SMAD9: variants seen among roughly 807,000 people sequenced by gnomAD.
The protein encoded by SMAD9 is SMAD family member 9.
A neutral mutation model predicts 46.1 loss-of-function variants in SMAD9; 36 were observed. The observed-to-expected ratio is 0.78, with a 90% CI of 0.60 to 1.03. The LOEUF (loss-of-function observed/expected upper bound fraction) is 1.03, where lower values mean the gene tolerates loss of function less well. Ranked by LOEUF, SMAD9 falls within the 50% of genes least tolerant of loss-of-function variation. The pLI is 0.00. For missense variants in SMAD9, 572 were observed against 599.8 expected (o/e 0.95, Z 0.48); for synonymous variants, 245 against 237.1 (o/e 1.03, Z -0.31).
chr13:36,883,157 C>A (rs2058417992), intron 1 of SMAD9, among the ~76,000 whole-genome samples: 1 of 152,138 alleles, frequency 6.6e-6, no homozygotes, highest in Admixed American at 6.6e-5. Flanking sequence ...TTTCCATTGT[C>A]AGAGAACTGA....
At chr13:36,861,283 G>A (rs146491736) in intron 5 of SMAD9, among the ~76,000 whole-genome samples, 59 of 152,238 alleles carry the variant, frequency 3.9e-4, no homozygotes, top group African/African-American at 1.4e-3. Context: ...TATCTACTGG[G>A]TAGGGGAATG....
At chr13:36,887,737 A>T (rs565970336) in intron 1 of SMAD9, among the ~76,000 whole-genome samples, 144 of 152,244 alleles carry the variant, frequency 9.5e-4, no homozygotes, top group African/African-American at 3.3e-3. Context: ...TATCCATAAA[A>T]AGGAGAGATG....
At chr13:36,865,415 A>C (rs2058222518) in intron 5 of SMAD9, 122 bp downstream of exon 5, 1 of 774,518 alleles carries the variant, frequency 1.3e-6, no homozygotes. Flanking sequence ...AGAGCTCACC[A>C]GCCCTGGGGT....
chr13:36,872,775 G>C lies in SMAD9; in HGVS notation c.553C>G (p.Pro185Ala). The change falls in exon 3 of 7, where the codon CCG (proline) becomes GCG (alanine). Residue 185 changes from proline (P) to alanine (A), a missense_variant. By Grantham distance (27) the Pro-to-Ala change is conservative. Transcript: ENST00000379826. Reference protein sequence around the residue: ...ATYPDSFQQPPCSALPPSPSH... With the variant: ...ATYPDSFQQPACSALPPSPSH... ...GGTGAGGGAGGGAGTGCAGAGCACG[G>C]AGGCTGCTGGAAAGAGTCAGGATAG... The C allele has an allele frequency of 6.2e-7, 1 of 1,614,108 alleles. No individual in the cohort carries two copies. The highest frequency in any genetic ancestry group is 8.5e-7 in the Non-Finnish European group (1 of 1,180,022).
intron 1 of SMAD9, among the ~76,000 whole-genome samples, chr13:36,905,840 TAA>T (rs1225039346): frequency 6.9e-6 from 1 of 144,130 alleles, no homozygotes; most frequent in Non-Finnish European, 1.5e-5. Flanking sequence ...TATATTTTTT[TAA>T]AAGTTTTGTT....
chr13:36,885,382 AACAC>A (rs58162253), intron 1 of SMAD9, among the ~76,000 whole-genome samples: 2 of 150,342 alleles, frequency 1.3e-5, no homozygotes, highest in Admixed American at 6.7e-5. Flanking sequence ...CTGGGCTTAA[AACAC>A]ACACACACAC....
intron 3 of SMAD9, among the ~76,000 whole-genome samples, chr13:36,869,580 C>A (rs2138412332): frequency 6.6e-6 from 1 of 152,214 alleles, no homozygotes; most frequent in South Asian, 2.1e-4. Flanking sequence ...TGCCTATAAT[C>A]CCAGCACTTT....
intron 2 of SMAD9, among the ~76,000 whole-genome samples, chr13:36,878,178 A>G (rs527331830): frequency 7.3e-6 from 1 of 136,618 alleles, no homozygotes; most frequent in East Asian, 2.9e-4. Flanking sequence ...ATATACATAC[A>G]CACACACACA....
chr13:36,881,478 C>G (rs1198717750), intron 1 of SMAD9, among the ~76,000 whole-genome samples: 1 of 152,180 alleles, frequency 6.6e-6, no homozygotes, highest in Non-Finnish European at 1.5e-5. Flanking sequence ...TAACCCCCCG[C>G]TAGGGTGATC....
intron 3 of SMAD9, among the ~76,000 whole-genome samples, chr13:36,871,624 T>C (rs745568137): frequency 2.6e-5 from 4 of 152,292 alleles, no homozygotes; most frequent in Non-Finnish European, 4.4e-5. Flanking sequence ...GTGCTAGACA[T>C]AGAAAAAAGA....
chr13:36,884,898 G>A (rs2058432377), intron 1 of SMAD9, among the ~76,000 whole-genome samples: 1 of 152,210 alleles, frequency 6.6e-6, no homozygotes, highest in African/African-American at 2.4e-5. Flanking sequence ...CACCTACCAG[G>A]GTGCACAATG....
Position 36,898,449 on chromosome 13 carries a change from G to A in SMAD9, c.-186-18574C>T, listed in dbSNP as rs368437469. ...TGACCCTGATGCAAAAATCTTATAA[G>A]ATATTAGAAAAAAAAAGAAAACACA... On this transcript the variant is annotated intron_variant, in intron 1 of 6. Transcript: ENST00000379826. 2.7e-5 allele frequency among the ~76,000 whole-genome samples: 4 copies of A among 150,862 alleles called. No individual in the cohort carries two copies. In the South Asian group the frequency reaches 8.4e-4, roughly 32 times the overall value.
At chr13:36,885,733 T>C (rs1353104086) in intron 1 of SMAD9, among the ~76,000 whole-genome samples, 1 of 151,772 alleles carries the variant, frequency 6.6e-6, no homozygotes, top group Non-Finnish European at 1.5e-5. Context: ...AAGGCATCTG[T>C]GGACATTTGA....
intron 5 of SMAD9, among the ~76,000 whole-genome samples, chr13:36,861,166 C>T (rs1255801892): frequency 1.3e-5 from 2 of 152,170 alleles, no homozygotes; most frequent in Non-Finnish European, 2.9e-5. Context: ...TCAAAATGCA[C>T]GCAGTGCTGA....
At chr13:36,920,041 C>A (rs1000285185) in intron 1 of SMAD9, 75 bp downstream of exon 1, 4 of 151,048 alleles carry the variant, frequency 2.6e-5, no homozygotes, top group South Asian at 1.9e-4. Flanking sequence ...ATCCCTCCCC[C>A]ACCCAGGTCC....
chr13:36,866,747 T>C (rs975419671), intron 4 of SMAD9, among the ~76,000 whole-genome samples: 2 of 152,196 alleles, frequency 1.3e-5, no homozygotes, highest in Admixed American at 6.5e-5. Context: ...AGCTTAACAA[T>C]GTAGATTCTT....
chr13:36,896,242 C>T (rs1182394193), intron 1 of SMAD9, among the ~76,000 whole-genome samples: 3 of 152,024 alleles, frequency 2.0e-5, no homozygotes, highest in Non-Finnish European at 4.4e-5. Flanking sequence ...AAGCAGTCCT[C>T]CCACCTCAGC....
intron 1 of SMAD9, 60 bp from the exon 2 acceptor site, chr13:36,879,935 AG>A: frequency 4.4e-6 from 2 of 452,548 alleles, no homozygotes; most frequent in Non-Finnish European, 8.0e-6. Context: ...AAAAAGTTGA[AG>A]TTGGATAGAA....
intron 1 of SMAD9, among the ~76,000 whole-genome samples, chr13:36,881,254 G>A (rs9576129): frequency 0.16 from 24,654 of 152,256 alleles, 2,485 homozygotes; most frequent in East Asian, 0.32. Context: ...TTAGAAACCA[G>A]CTACCTCATT....
Sources: allele counts gnomAD v4.1 joint callset (sites outside exome capture counted in the v4.1 genomes callset), GRCh38; gene constraint gnomAD v4.1.1; transcripts MANE v1.5; gene names NCBI Gene and HGNC (gene_info 2026-07-23, HGNC 2026-07-21).